Variants in TMC1 observed in about 807,000 individuals in gnomAD.
The protein encoded by TMC1 is transmembrane channel like 1.
Under a neutral mutation model 105.8 loss-of-function variants are expected in TMC1, and 84 were observed. The ratio of observed to expected loss-of-function variants is 0.79; its 90% confidence interval spans 0.67 to 0.95. The LOEUF is 0.95. Ranked by LOEUF, TMC1 falls within the 40% of genes least tolerant of loss-of-function variation. TMC1 has a pLI of 0.00. For synonymous variants in TMC1, 315 were observed against 311.5 expected, an observed-to-expected ratio of 1.01 and a Z score of -0.12; for missense variants, 817 against 914.1, an observed-to-expected ratio of 0.89 and a Z score of 1.37.
chr9:72,680,595 T>C (rs1826270634), intron 5 of TMC1, among the ~76,000 whole-genome samples: 1 of 152,126 alleles, frequency 6.6e-6, no homozygotes, highest in South Asian at 2.1e-4. Flanking sequence ...AGATAGATCT[T>C]CTAAATTTTA....
At chr9:72,545,262 C>T (rs1451286291) in intron 1 of TMC1, among the ~76,000 whole-genome samples, 1 of 151,358 alleles carries the variant, frequency 6.6e-6, no homozygotes, top group Admixed American at 6.6e-5. Flanking sequence ...TAGCCCTGCC[C>T]TTTGAATGGC....
chr9:72,655,421 G>C (rs1164428572), intron 5 of TMC1, among the ~76,000 whole-genome samples: 1 of 152,038 alleles, frequency 6.6e-6, no homozygotes, highest in East Asian at 1.9e-4. Context: ...AGTTTCTGAT[G>C]AGTAGTCTGA....
chr9:72,722,569 G>A (rs559080578), intron 8 of TMC1, among the ~76,000 whole-genome samples: 3 of 152,150 alleles, frequency 2.0e-5, no homozygotes, highest in Admixed American at 6.6e-5. Flanking sequence ...CATTTCAGAA[G>A]AGATTTTGAG....
chr9:72,800,725 C>G (rs569223374), intron 17 of TMC1, among the ~76,000 whole-genome samples: 1 of 151,894 alleles, frequency 6.6e-6, no homozygotes, highest in East Asian at 1.9e-4. Flanking sequence ...TGGATTTCCC[C>G]CTTATCTTTC....
At position 72,837,488 on chromosome 9, in the gene TMC1, T is replaced by A. The variant is rs1455774951; in HGVS notation, c.*1515T>A. 14 of 152,228 alleles carry A rather than the reference T, an allele frequency of 9.2e-5. No individual in the cohort carries two copies. The highest frequency in any genetic ancestry group is 3.4e-4 in the African/African-American group (14 of 41,462). The allele number at this position is 152,228 out of a possible 1,614,324, so 9.4% of individuals were successfully genotyped here. A position where few individuals can be genotyped will look rare whatever the true frequency, so the allele number is the denominator to read the frequency against. ...CTAACTACCTACTCTAACAATCATA[T>A]CCTGTAAGCTTGGATTCTAATGTTC... On this transcript the variant is annotated 3_prime_UTR_variant, in exon 24 of 24. Coordinates refer to ENST00000297784, the MANE Select transcript of TMC1 (RefSeq NM_138691.3).
At chr9:72,544,498 T>G (rs1020355190) in intron 1 of TMC1, among the ~76,000 whole-genome samples, 2 of 136,006 alleles carry the variant, frequency 1.5e-5, no homozygotes, top group African/African-American at 5.5e-5. Context: ...TTTTTTTTTG[T>G]GAGAAAGTCT....
intron 4 of TMC1, among the ~76,000 whole-genome samples, chr9:72,647,423 A>G (rs1013149490): frequency 6.6e-6 from 1 of 152,144 alleles, no homozygotes; most frequent in Non-Finnish European, 1.5e-5. Flanking sequence ...TATGGTTAAT[A>G]TAAATCAAAT....
At chr9:72,625,705 A>G (rs1206271181) in intron 3 of TMC1, among the ~76,000 whole-genome samples, 5 of 151,884 alleles carry the variant, frequency 3.3e-5, no homozygotes, top group South Asian at 2.1e-4. Context: ...AAAAAAAGAA[A>G]AAAAAAAAGG....
At chr9:72,702,664 A>G (rs1826663622) in intron 8 of TMC1, among the ~76,000 whole-genome samples, 1 of 152,010 alleles carries the variant, frequency 6.6e-6, no homozygotes, top group African/African-American at 2.4e-5. Context: ...CAGACCCCAG[A>G]AGCCTTGTGG....
chr9:72,789,233 A>C lies in TMC1; in HGVS notation c.1140A>C (p.Gly380=), dbSNP rs777814216. Residue 380 remains glycine (G), a synonymous_variant, in exon 15 of 24, where the codon GGA becomes GGC. Transcript: ENST00000297784. ...FFVFLTLGGS[G]YLIFWAVKRS... is the part of the protein sequence containing the mutation. Reference sequence around the variant, plus strand: ...TGTTTCTAACACTTGGAGGGAGTGGATACCTCATCTTTTGGGCTGTGAAGC... The same window carrying C: ...TGTTTCTAACACTTGGAGGGAGTGGCTACCTCATCTTTTGGGCTGTGAAGC... 10 of 1,613,902 alleles carry C rather than the reference A, an allele frequency of 6.2e-6. No homozygotes were observed. The African/African-American group carries it at 1.3e-4, about 22-fold the overall frequency.
At chr9:72,704,997 A>G (rs1190528627) in intron 8 of TMC1, among the ~76,000 whole-genome samples, 3 of 152,172 alleles carry the variant, frequency 2.0e-5, no homozygotes, top group Admixed American at 6.5e-5. Context: ...AATTATTTGA[A>G]AGTCAATTTC....
intron 11 of TMC1, among the ~76,000 whole-genome samples, chr9:72,752,855 A>T (rs892768552): frequency 2.0e-5 from 3 of 152,168 alleles, no homozygotes; most frequent in Non-Finnish European, 4.4e-5. Context: ...TTAACATAAT[A>T]ATAATAATAA....
intron 5 of TMC1, among the ~76,000 whole-genome samples, chr9:72,670,430 C>T (rs1041003906): frequency 1.3e-5 from 2 of 152,038 alleles, no homozygotes; most frequent in Non-Finnish European, 1.5e-5. Flanking sequence ...TAAATATATA[C>T]CAGAACAAAG....
intron 18 of TMC1, among the ~76,000 whole-genome samples, chr9:72,810,136 TAAAA>T (rs36058524): frequency 0.015 from 1,662 of 107,998 alleles, 27 homozygotes; most frequent in African/African-American, 0.053. Flanking sequence ...AGGCATAGAT[TAAAA>T]AAAAAAAAAA....
In TMC1 at chr9:72,596,747, A is replaced by C. The variant is rs1824728514; in HGVS notation, c.-306+18724A>C. On this transcript the variant is annotated intron_variant, in intron 2 of 23. Transcript: ENST00000297784. The stretch of plus-strand genomic sequence containing the variant: ...TGCTTTGGGCTTCTTATAGCAGTTA[A>C]GAGTGTATCAGCAGGCCTCCATGGT... Among the ~76,000 whole-genome samples, 3 of 152,200 alleles carry C rather than the reference A, an allele frequency of 2.0e-5. No homozygotes were observed. In the South Asian group the frequency reaches 6.2e-4, roughly 31 times the overall value.
At chr9:72,693,339 C>G (rs1183712125) in intron 6 of TMC1, among the ~76,000 whole-genome samples, 1 of 151,966 alleles carries the variant, frequency 6.6e-6, no homozygotes, top group Non-Finnish European at 1.5e-5. Flanking sequence ...ATAATCAGTT[C>G]AAAGGAACGT....
intron 2 of TMC1, among the ~76,000 whole-genome samples, chr9:72,587,067 T>G (rs1824565060): frequency 6.6e-6 from 1 of 152,156 alleles, no homozygotes; most frequent in South Asian, 2.1e-4. Flanking sequence ...GCTGAACATT[T>G]TACAATGCCC....
intron 1 of TMC1, among the ~76,000 whole-genome samples, chr9:72,523,417 C>A (rs1209417207): frequency 6.6e-6 from 1 of 152,062 alleles, no homozygotes; most frequent in Non-Finnish European, 1.5e-5. Flanking sequence ...TGACCAGATG[C>A]TTTACCAATA....
intron 3 of TMC1, among the ~76,000 whole-genome samples, chr9:72,625,745 C>T (rs1435064441): frequency 6.6e-6 from 1 of 150,882 alleles, no homozygotes; most frequent in Non-Finnish European, 1.5e-5. Context: ...ATTGAATGCT[C>T]TCAGAAAATG....
Sources: gnomAD v4.1 joint callset for allele counts (sites outside exome capture counted in the v4.1 genomes callset) on GRCh38, gnomAD v4.1.1 for gene constraint, MANE v1.5 for transcripts, NCBI Gene and HGNC (gene_info 2026-07-23, HGNC 2026-07-21) for gene names.